Variants in DNM3 observed in about 807,000 individuals in gnomAD.
The protein encoded by DNM3 is dynamin 3.
A neutral mutation model predicts 101.6 loss-of-function variants in DNM3; 47 were observed. The ratio of observed to expected loss-of-function variants is 0.46; its 90% CI spans 0.37 to 0.59. The LOEUF is 0.59. Among genes scored for constraint, DNM3 ranks in the 20% least tolerant of loss-of-function variants. The pLI, the probability that DNM3 is intolerant of heterozygous loss-of-function variation, is 0.00. For synonymous variants in DNM3, 385 were observed against 387.9 expected (o/e 0.99, Z 0.09); for missense variants, 849 against 1,085.7 (o/e 0.78, Z 3.06).
chr1:171,945,886 A>T (rs552189582), intron 2 of DNM3, among the ~76,000 whole-genome samples: 4 of 152,264 alleles, frequency 2.6e-5, no homozygotes, highest in Non-Finnish European at 5.9e-5. Context: ...AATGTTCTAA[A>T]CAGGAGGATT....
At chr1:172,150,336 C>T (rs1558644937) in intron 14 of DNM3, among the ~76,000 whole-genome samples, 1 of 152,104 alleles carries the variant, frequency 6.6e-6, no homozygotes, top group Non-Finnish European at 1.5e-5. Flanking sequence ...GAGTATTAAT[C>T]ACATATCTTT....
At chr1:172,293,906 G>A (rs1356783031) in intron 15 of DNM3, among the ~76,000 whole-genome samples, 1 of 152,168 alleles carries the variant, frequency 6.6e-6, no homozygotes, top group African/African-American at 2.4e-5. Flanking sequence ...GAATTCTTCA[G>A]ATCTATTCAG....
rs1491537348 is a variant in DNM3, at chr1:171,944,854, C to CTTTTTTTTTT, written c.235+23033_235+23034insTTTTTTTTTT. 4.8e-4 allele frequency among the ~76,000 whole-genome samples: 18 copies of CTTTTTTTTTT among 37,588 alleles called. 6 individuals are homozygous for CTTTTTTTTTT. Among genetic ancestry groups the CTTTTTTTTTT allele is most frequent in the Non-Finnish European group, 5.9e-4 (11 of 18,630 alleles). 24.7% of individuals were successfully genotyped at this position (37,588 alleles called of 152,430 possible). A position where few individuals can be genotyped will look rare whatever the true frequency, so the allele number is the denominator to read the frequency against. ...TTTGTTTTCTTTTTTTTTGGTGTTT[C>CTTTTTTTTTT]CTTTTTTTTTTTTTTTTTTTTTTTT... On this transcript the variant is annotated intron_variant, in intron 2 of 20. Coordinates refer to ENST00000627582, the MANE Select transcript of DNM3 (RefSeq NM_015569.5).
At chr1:172,069,147 C>T (rs2125936767) in intron 11 of DNM3, among the ~76,000 whole-genome samples, 1 of 152,226 alleles carries the variant, frequency 6.6e-6, no homozygotes, top group East Asian at 1.9e-4. Flanking sequence ...GATGCAAAAG[C>T]AGTAACAGGA....
At chr1:172,370,913 A>G (rs2068287218) in intron 17 of DNM3, among the ~76,000 whole-genome samples, 4 of 151,970 alleles carry the variant, frequency 2.6e-5, no homozygotes, top group African/African-American at 9.7e-5. Context: ...AGAGAAAGCT[A>G]TTATTTTTGT....
chr1:172,037,031 A>T (rs1020133826), intron 6 of DNM3, among the ~76,000 whole-genome samples: 1 of 152,244 alleles, frequency 6.6e-6, no homozygotes, highest in Non-Finnish European at 1.5e-5. Context: ...GCCAAAAAAC[A>T]TGAAAAAATG....
chr1:172,262,424 C>T (rs563362210), intron 15 of DNM3, among the ~76,000 whole-genome samples: 2 of 152,260 alleles, frequency 1.3e-5, no homozygotes, highest in South Asian at 4.1e-4. Context: ...CTCCAGACAG[C>T]TCTCTATGTT....
chr1:172,354,125 G>GAGAGAGAGAGAA (rs2067328132), intron 17 of DNM3, among the ~76,000 whole-genome samples: 1 of 150,092 alleles, frequency 6.7e-6, no homozygotes. Context: ...GAGAGAGAGA[G>GAGAGAGAGAGAA]AGAGAGAGAG....
chr1:171,959,875 A>G (rs925326625), intron 2 of DNM3, among the ~76,000 whole-genome samples: 6 of 152,084 alleles, frequency 3.9e-5, no homozygotes, highest in African/African-American at 1.4e-4. Context: ...TGGGGACAGA[A>G]GCCAACTGAA....
intron 13 of DNM3, among the ~76,000 whole-genome samples, chr1:172,109,791 T>TA (rs1451177985): frequency 1.3e-5 from 2 of 152,218 alleles, no homozygotes; most frequent in African/African-American, 4.8e-5. Context: ...ATTCATCTGT[T>TA]ACATACTTTA....
At chr1:172,167,200 G>C (rs903659736) in intron 14 of DNM3, among the ~76,000 whole-genome samples, 3 of 152,166 alleles carry the variant, frequency 2.0e-5, no homozygotes, top group South Asian at 2.1e-4. Context: ...ATAGTTTGCT[G>C]AGAATGATGG....
intron 14 of DNM3, among the ~76,000 whole-genome samples, chr1:172,209,265 G>A (rs2060429537): frequency 1.3e-5 from 2 of 151,896 alleles, no homozygotes; most frequent in Non-Finnish European, 2.9e-5. Context: ...CAAGCCAAGG[G>A]GAGAGGCCTC....
At chr1:171,934,364 G>A (rs1215083064) in intron 2 of DNM3, among the ~76,000 whole-genome samples, 3 of 152,128 alleles carry the variant, frequency 2.0e-5, no homozygotes, top group East Asian at 1.9e-4. Context: ...TACTTTTATT[G>A]TACTGTTGAA....
intron 1 of DNM3, among the ~76,000 whole-genome samples, chr1:171,877,478 C>T (rs2035886600): frequency 6.6e-6 from 1 of 152,160 alleles, no homozygotes; most frequent in South Asian, 2.1e-4. Flanking sequence ...TGTTGAACTT[C>T]GATGGAAGTC....
intron 1 of DNM3, among the ~76,000 whole-genome samples, chr1:171,876,218 T>TG (rs1012749725): frequency 1.4e-4 from 22 of 152,222 alleles, no homozygotes; most frequent in African/African-American, 5.1e-4. Context: ...CATGAAGTGG[T>TG]GAGACAGTAG....
At chr1:172,041,058 T>C (rs1329156907) in intron 7 of DNM3, among the ~76,000 whole-genome samples, 1 of 152,054 alleles carries the variant, frequency 6.6e-6, no homozygotes, top group East Asian at 1.9e-4. Context: ...AGAGCTAGTT[T>C]AGAGGGGTCA....
chr1:172,402,035 C>T (rs1222817085), intron 20 of DNM3, among the ~76,000 whole-genome samples: 2 of 152,292 alleles, frequency 1.3e-5, no homozygotes. Context: ...GGCCCATTCA[C>T]ACTCATTGAT....
At chr1:172,329,775 A>C (rs1023516398) in intron 17 of DNM3, among the ~76,000 whole-genome samples, 1 of 152,190 alleles carries the variant, frequency 6.6e-6, no homozygotes, top group Non-Finnish European at 1.5e-5. Context: ...AAAAAGCAAA[A>C]CAAAGCAAAG....
chr1:172,169,349 T>C (rs2058864714), intron 14 of DNM3, among the ~76,000 whole-genome samples: 2 of 151,960 alleles, frequency 1.3e-5, no homozygotes, highest in Non-Finnish European at 2.9e-5. Flanking sequence ...TAGCTACATC[T>C]CTGTGACTGC....
Sources: allele counts gnomAD v4.1 joint callset (sites outside exome capture counted in the v4.1 genomes callset), GRCh38; gene constraint gnomAD v4.1.1; transcripts MANE v1.5; gene names NCBI Gene and HGNC (gene_info 2026-07-23, HGNC 2026-07-21).